Variants in GRIN1 observed in about 807,000 individuals in gnomAD.
The protein encoded by GRIN1 is glutamate receptor ionotropic, NMDA 1.
In GRIN1, 38 loss-of-function variants were observed where a neutral mutation model predicts 103.0. The ratio of observed to expected loss-of-function variants is 0.37; its 90% CI spans 0.28 to 0.48. The LOEUF (loss-of-function observed/expected upper bound fraction) is 0.48. GRIN1 is among the 20% of genes least tolerant of loss of function. GRIN1 has a pLI of 0.98. For missense variants in GRIN1, 577 were observed against 1,288.9 expected (o/e 0.45, Z 8.46); for synonymous variants, 544 against 532.7 (o/e 1.02, Z -0.29).
At chr9:137,155,534 G>C (rs757025592) in intron 4 of GRIN1, among the ~76,000 whole-genome samples, 2 of 152,230 alleles carry the variant, frequency 1.3e-5, no homozygotes, top group African/African-American at 2.4e-5. Context: ...TTCCAGTCAA[G>C]TATTGTGAAA....
intron 4 of GRIN1, among the ~76,000 whole-genome samples, chr9:137,154,225 A>G (rs971085969): frequency 4.7e-5 from 7 of 149,518 alleles, no homozygotes; most frequent in Non-Finnish European, 1.0e-4. Context: ...CCCAGGTTCA[A>G]GTGATTCTCG....
chr9:137,165,510 G>A (rs968824798), intron 19 of GRIN1: 9 of 595,864 alleles, frequency 1.5e-5, no homozygotes, highest in South Asian at 7.5e-5. Context: ...GGCTTTCCCC[G>A]TGTGTCTCCG....
In GRIN1 at chr9:137,146,987, TGCCCCTCACCCCAGTGCCCGACAG is replaced by T; in HGVS notation, c.570+1093_570+1116del. ...GCACCAAGGGCCCCACCCAAGACAG[TGCCCCTCACCCCAGTGCCCGACAG>T]GCCCCTCCCCCCAGCGCCCGACAGG... On this transcript the variant is annotated intron_variant, in intron 3 of 19. Transcript: ENST00000371561. This position sits in a 1 kb window ranked among gnomAD's most constrained non-coding sequence, Gnocchi z 6.7. Among the ~76,000 whole-genome samples the T allele has an allele frequency of 1.3e-5, 1 of 77,390 alleles. No homozygotes were observed. Among genetic ancestry groups the T allele is most frequent in the Non-Finnish European group, 2.6e-5 (1 of 38,650 alleles). The allele number at this position is 77,390 out of a possible 152,430, so 50.8% of individuals were successfully genotyped here.
In GRIN1 at chr9:137,161,274, C is replaced by T. The variant is rs754357327; in HGVS notation, c.1340-15C>T. On this transcript the variant is annotated splice_polypyrimidine_tract_variant and intron_variant, in intron 9 of 19. Transcript: ENST00000371561. ...GCGGTCTGGAGCCCAGCAGTTACCG[C>T]CCGCACCTACCCAGCCCGCCACACG... The T allele has an allele frequency of 6.8e-6, 11 of 1,611,440 alleles. No individual in the cohort carries two copies. The Admixed American group carries it at 1.3e-4, about 20-fold the overall frequency.
At position 137,167,741 on chromosome 9, in the gene GRIN1, C is replaced by T; in HGVS notation, c.*214C>T. 1 of 1,610,970 alleles carries T rather than the reference C, an allele frequency of 6.2e-7. No homozygotes were observed. Among genetic ancestry groups the T allele is most frequent in the Non-Finnish European group, 8.5e-7 (1 of 1,178,864 alleles). On this transcript the variant is annotated 3_prime_UTR_variant, in exon 20 of 20. Transcript: ENST00000371561. Reference sequence around the variant, plus strand: ...GCGCGTGCCCCCAGCGTGGGGCTAACGGGCGCCTTGTCTGTGTATTTCTAT... The same window carrying T: ...GCGCGTGCCCCCAGCGTGGGGCTAATGGGCGCCTTGTCTGTGTATTTCTAT...
chr9:137,158,363 A>C lies in GRIN1; in HGVS notation c.969-16A>C, dbSNP rs199706518. ...GGAGCATCTCTGAGAAGCCTCAGCT[A>C]TGCTTCCTTCCCTAGAGTGCTGATG... On this transcript the variant is annotated splice_polypyrimidine_tract_variant and intron_variant, in intron 6 of 19. Transcript: ENST00000371561. The C allele has an allele frequency of 6.2e-7, 1 of 1,612,978 alleles. No individual in the cohort carries two copies. The highest frequency in any genetic ancestry group is 1.1e-5 in the South Asian group (1 of 91,062).
chr9:137,166,031 G>A (rs887040485), intron 19 of GRIN1, among the ~76,000 whole-genome samples: 6 of 152,112 alleles, frequency 3.9e-5, no homozygotes, highest in Admixed American at 3.9e-4. Context: ...GCTGAGCGGG[G>A]GCCCTGCAGG....
chr9:137,165,199 G>A lies in GRIN1; in HGVS notation c.2603G>A (p.Gly868Asp). The change falls in exon 19 of 20, where the codon GGT becomes GAT. Residue 868 changes from glycine to aspartate, a missense_variant. This residue lies in a region of GRIN1 where 68 missense variants were observed against 113.0 expected (regional missense o/e 0.60). Transcript: ENST00000371561. ...WRKNLQDRKS[G>D]RAEPDPKKKA... ...TATTCATTTTAGGATAGAAAGAGTG[G>A]TAGAGCAGAGCCTGACCCTAAAAAG... 1 of 1,607,962 alleles carries A rather than the reference G, an allele frequency of 6.2e-7. No individual in the cohort carries two copies. The highest frequency in any genetic ancestry group is 1.3e-5 in the African/African-American group (1 of 74,922).
intron 1 of GRIN1, among the ~76,000 whole-genome samples, chr9:137,140,363 AGCGCCT>A: frequency 6.6e-6 from 1 of 152,302 alleles, no homozygotes; most frequent in Middle Eastern, 3.4e-3. Flanking sequence ...CCCTGGGCCG[AGCGCCT>A]GCTGAATTCC....
chr9:137,140,067 G>A (rs1251868762), intron 1 of GRIN1, among the ~76,000 whole-genome samples: 3 of 152,200 alleles, frequency 2.0e-5, no homozygotes, highest in African/African-American at 7.2e-5. Context: ...TAAGAGAGTA[G>A]AAGCGCCTGT....
At chr9:137,148,940 C>A in intron 3 of GRIN1, 69 bp from the exon 4 acceptor site, 1 of 1,172,548 alleles carries the variant, frequency 8.5e-7, no homozygotes, top group Non-Finnish European at 1.3e-6. Flanking sequence ...GGCTCCGGCC[C>A]AACTCTCACC....
At position 137,149,011 on chromosome 9, in the gene GRIN1, A is replaced by C. The variant is rs1554767323; in HGVS notation, c.573A>C (p.Ala191=). The change falls in exon 4 of 20, where the codon GCA becomes GCC. Residue 191 remains alanine, a splice_region_variant and synonymous_variant. Transcript: ENST00000371561. ...TAACACTCTTGCTCACACCGCAGGC[A>C]GAGAAGGTGCTGCAGTTTGACCCAG... ...ETLLEERESK[A]EKVLQFDPGT... The C allele has an allele frequency of 6.2e-7, 1 of 1,609,876 alleles. No individual in the cohort carries two copies. Among genetic ancestry groups the C allele is most frequent in the Non-Finnish European group, 8.5e-7 (1 of 1,176,946 alleles).
At chr9:137,165,103 G>A in intron 18 of GRIN1, 83 bp from the exon 19 acceptor site, 1 of 994,648 alleles carries the variant, frequency 1.0e-6, no homozygotes, top group South Asian at 1.3e-5. Flanking sequence ...CGGCCAGGCT[G>A]GGCAGCGGCC....
At chr9:137,162,372 C>T (rs1401039994) in intron 12 of GRIN1, 32 bp from the exon 13 acceptor site, 7 of 1,564,780 alleles carry the variant, frequency 4.5e-6, no homozygotes, top group Non-Finnish European at 5.2e-6. Context: ...CCTCTCCCGC[C>T]CTCTCTCCCG....
chr9:137,141,339 G>A (rs890753235), intron 1 of GRIN1, among the ~76,000 whole-genome samples: 6 of 152,162 alleles, frequency 3.9e-5, no homozygotes, highest in African/African-American at 7.2e-5. Context: ...TCAGCTCCAG[G>A]GGGCTGAGCC....
chr9:137,139,914 G>A lies in GRIN1; in HGVS notation c.258+170G>A, dbSNP rs1400100368. Among the ~76,000 whole-genome samples, 1 of 152,170 alleles carries A rather than the reference G, an allele frequency of 6.6e-6. No homozygotes were observed. Among genetic ancestry groups the A allele is most frequent in the Non-Finnish European group, 1.5e-5 (1 of 68,034 alleles). ...GTCTCACTAGGAACCAAACACCAGG[G>A]TCTGCTGGCTCCCCTATCTTGGCCT... On this transcript the variant is annotated intron_variant, in intron 1 of 19. Transcript: ENST00000371561. This position sits in a 1 kb window ranked among gnomAD's most constrained non-coding sequence, Gnocchi z 7.7.
At chr9:137,148,167 T>C in intron 3 of GRIN1, 1 of 1,544,814 alleles carries the variant, frequency 6.5e-7, no homozygotes, top group Non-Finnish European at 8.7e-7. Context: ...AAAAAGGAAC[T>C]ATGAAAACCT....
At chr9:137,162,120 G>A (rs570145037) in intron 11 of GRIN1, 32 bp downstream of exon 11, 2 of 1,525,784 alleles carry the variant, frequency 1.3e-6, no homozygotes, top group South Asian at 1.2e-5. Flanking sequence ...GGGTGGCGGC[G>A]GGGGGAGTCC....
At chr9:137,144,429 C>A (rs375036352) in intron 2 of GRIN1, among the ~76,000 whole-genome samples, 1 of 150,790 alleles carries the variant, frequency 6.6e-6, no homozygotes, top group Non-Finnish European at 1.5e-5. Context: ...CCGAGGCGGG[C>A]GGATCACGAG....
Sources: gnomAD v4.1 joint callset for allele counts (sites outside exome capture counted in the v4.1 genomes callset) on GRCh38, gnomAD v4.1.1 for gene constraint, gnomAD v4.1.1 regional missense constraint, Gnocchi (gnomAD v3.1) non-coding constraint, MANE v1.5 for transcripts, NCBI Gene and HGNC (gene_info 2026-07-23, HGNC 2026-07-21) for gene names.